The following TENM4 variants were observed in gnomAD, a reference collection of about 807,000 sequenced individuals.
The protein encoded by TENM4 is teneurin transmembrane protein 4, also known as teneurin-4.
In TENM4, 82 loss-of-function variants were observed where a neutral mutation model predicts 243.3. The ratio of observed to expected loss-of-function variants is 0.34; its 90% CI spans 0.28 to 0.40. The LOEUF is 0.40. TENM4 is among the 10% of genes least tolerant of loss of function. TENM4 has a pLI of 1.00. For synonymous variants in TENM4, 1,412 were observed against 1,456.3 expected (o/e 0.97, Z 0.69); for missense variants, 3,138 against 3,673.3 (o/e 0.85, Z 3.77).
intron 22 of TENM4, among the ~76,000 whole-genome samples, chr11:78,727,731 G>A (rs749079558): frequency 6.6e-6 from 1 of 152,146 alleles, no homozygotes; most frequent in Non-Finnish European, 1.5e-5. Flanking sequence ...CAGCCTCCCT[G>A]CCCCTGGGTG....
In TENM4 at chr11:79,363,155, A is replaced by T. The variant is rs979786467; in HGVS notation, c.-320-65612T>A. On this transcript the variant is annotated intron_variant, in intron 1 of 33. Transcript: ENST00000278550. ...ATAAAACTTTACATTAAAAATCTAGATTTCCAGTTTCTCTTGGAACAATAA... is the reference window on the plus strand; with the variant it reads ...ATAAAACTTTACATTAAAAATCTAGTTTTCCAGTTTCTCTTGGAACAATAA... 1.2e-4 allele frequency among the ~76,000 whole-genome samples: 19 copies of T among 152,380 alleles called. No homozygotes were observed. In the East Asian group the frequency reaches 3.7e-3, roughly 29 times the overall value.
At chr11:79,351,803 T>C (rs184084095) in intron 1 of TENM4, among the ~76,000 whole-genome samples, 2 of 152,340 alleles carry the variant, frequency 1.3e-5, no homozygotes, top group East Asian at 1.9e-4. Flanking sequence ...TTGTTTCTCC[T>C]CTGACATCCC....
At chr11:78,930,833 G>C (rs544398475) in intron 6 of TENM4, among the ~76,000 whole-genome samples, 1 of 152,286 alleles carries the variant, frequency 6.6e-6, no homozygotes, top group South Asian at 2.1e-4. Context: ...ATTAAAACCA[G>C]GCCCTGAGCG....
chr11:79,179,714 A>G (rs558321571), intron 3 of TENM4, among the ~76,000 whole-genome samples: 1 of 151,844 alleles, frequency 6.6e-6, no homozygotes, highest in African/African-American at 2.4e-5. Context: ...CAGATGATAA[A>G]AAGTTTGAAG....
chr11:78,956,675 C>G (rs150801441), intron 6 of TENM4, among the ~76,000 whole-genome samples: 14 of 152,148 alleles, frequency 9.2e-5, no homozygotes, highest in Non-Finnish European at 1.8e-4. Flanking sequence ...TAAGAAGACA[C>G]AATTCAGGAT....
chr11:79,102,487 A>G (rs1305068692), intron 4 of TENM4, among the ~76,000 whole-genome samples: 3 of 152,226 alleles, frequency 2.0e-5, no homozygotes, highest in Non-Finnish European at 4.4e-5. Context: ...TAGGTAAATA[A>G]TCGGGAAATG....
intron 6 of TENM4, among the ~76,000 whole-genome samples, chr11:78,978,209 G>T (rs1413144606): frequency 6.6e-6 from 1 of 151,528 alleles, no homozygotes. Flanking sequence ...GTTGGCGGAT[G>T]GGGGGCTAGG....
chr11:79,085,434 T>G (rs1006108070), intron 4 of TENM4, among the ~76,000 whole-genome samples: 1 of 151,318 alleles, frequency 6.6e-6, no homozygotes, highest in Non-Finnish European at 1.5e-5. Context: ...CAGGCAGACC[T>G]TGATTTGAAC....
chr11:79,146,440 G>A lies in TENM4; in HGVS notation c.-66+2270C>T, dbSNP rs529602292. On this transcript the variant is annotated intron_variant, in intron 4 of 33. Transcript: ENST00000278550. ...TGCCAGCCCCATGGCCCAGACTGAGGGAAGAGACTCAGAAGGATGGCCAAG... is the reference window on the plus strand; with the variant it reads ...TGCCAGCCCCATGGCCCAGACTGAGAGAAGAGACTCAGAAGGATGGCCAAG... Among the ~76,000 whole-genome samples, 38 of 152,154 alleles carry A rather than the reference G, an allele frequency of 2.5e-4. 1 individual carries two copies. Among genetic ancestry groups the A allele is most frequent in the African/African-American group, 9.2e-4 (38 of 41,524 alleles).
At chr11:78,771,282 C>T in intron 17 of TENM4, 144 bp from the exon 18 acceptor site, 1 of 1,065,900 alleles carries the variant, frequency 9.4e-7, no homozygotes, top group Non-Finnish European at 1.3e-6. Flanking sequence ...AGGTAGGTAT[C>T]ATTAGGAATT....
At chr11:79,074,342 C>A (rs1327165869) in intron 4 of TENM4, among the ~76,000 whole-genome samples, 1 of 151,578 alleles carries the variant, frequency 6.6e-6, no homozygotes, top group African/African-American at 2.4e-5. Flanking sequence ...TGACCTGGAG[C>A]CCCCCGGCAG....
chr11:78,963,526 T>C (rs1192265930), intron 6 of TENM4, among the ~76,000 whole-genome samples: 1 of 152,288 alleles, frequency 6.6e-6, no homozygotes, highest in East Asian at 1.9e-4. Context: ...TCCATCCAGC[T>C]TTTCAAACAG....
chr11:78,784,506 G>A (rs1434978975), intron 16 of TENM4, among the ~76,000 whole-genome samples: 2 of 152,160 alleles, frequency 1.3e-5, no homozygotes, highest in African/African-American at 4.8e-5. Context: ...CAAGGACGAA[G>A]AAAATGCTCA....
At chr11:78,727,699 C>T (rs561744) in intron 22 of TENM4, among the ~76,000 whole-genome samples, 35,245 of 152,070 alleles carry the variant, frequency 0.23, 4,840 homozygotes, top group African/African-American at 0.39. Flanking sequence ...TAGAAGGTCA[C>T]TGGGATGAAG....
At chr11:78,899,267 T>G (rs1001630393) in intron 7 of TENM4, among the ~76,000 whole-genome samples, 1 of 151,918 alleles carries the variant, frequency 6.6e-6, no homozygotes, top group African/African-American at 2.4e-5. Flanking sequence ...ATGCTATAGT[T>G]TGGATGTTTG....
intron 2 of TENM4, among the ~76,000 whole-genome samples, chr11:79,225,762 C>G (rs150878379): frequency 6.6e-6 from 1 of 152,156 alleles, no homozygotes; most frequent in Non-Finnish European, 1.5e-5. Context: ...GGATTACAGG[C>G]GTGAGCCACC....
At chr11:78,710,366 T>G (rs1590958007) in intron 26 of TENM4, among the ~76,000 whole-genome samples, 1 of 152,154 alleles carries the variant, frequency 6.6e-6, no homozygotes, top group East Asian at 1.9e-4. Flanking sequence ...GCCAGCAGGG[T>G]GCTTTAAGAT....
Position 79,246,885 on chromosome 11 carries a change from T to G in TENM4, c.-264-30976A>C, listed in dbSNP as rs1323400048. ...TTGGGAATATTACCGGTGTTCTATTTTTTGCCCTGAGTAGTGGTAACATGA... is the reference window on the plus strand; with the variant it reads ...TTGGGAATATTACCGGTGTTCTATTGTTTGCCCTGAGTAGTGGTAACATGA... On this transcript the variant is annotated intron_variant, in intron 2 of 33. Coordinates refer to ENST00000278550, the MANE Select transcript of TENM4 (RefSeq NM_001098816.3). 7.2e-5 allele frequency among the ~76,000 whole-genome samples: 11 copies of G among 152,030 alleles called. No individual in the cohort carries two copies. In the East Asian group the frequency reaches 1.9e-3, roughly 27 times the overall value.
At chr11:79,123,077 A>G (rs1218450819) in intron 4 of TENM4, among the ~76,000 whole-genome samples, 1 of 152,192 alleles carries the variant, frequency 6.6e-6, no homozygotes, top group Non-Finnish European at 1.5e-5. Flanking sequence ...TGCCTCACTC[A>G]GGAATATGAG....
Sources: gnomAD v4.1 joint callset for allele counts (sites outside exome capture counted in the v4.1 genomes callset) on GRCh38, gnomAD v4.1.1 for gene constraint, MANE v1.5 for transcripts, NCBI Gene and HGNC (gene_info 2026-07-23, HGNC 2026-07-21) for gene names.